Variants in ZFAND6 observed in about 807,000 individuals in gnomAD.
ZFAND6 encodes zinc finger AN1-type containing 6.
In ZFAND6, 12 loss-of-function variants were observed where a neutral mutation model predicts 24.5. The ratio of observed to expected loss-of-function variants is 0.49; its 90% CI spans 0.31 to 0.79. The LOEUF is 0.79. ZFAND6 is among the 30% of genes least tolerant of loss of function. The pLI is 0.04. For missense variants in ZFAND6, 207 were observed against 245.9 expected (o/e 0.84, Z 1.06); for synonymous variants, 92 against 81.5 (o/e 1.13, Z -0.69).
chr15:80,116,082 T>A (rs1342658606), intron 2 of ZFAND6, among the ~76,000 whole-genome samples: 1 of 151,888 alleles, frequency 6.6e-6, no homozygotes, highest in South Asian at 2.1e-4. Flanking sequence ...CTAAGGAGCC[T>A]TTTTAGGTTT....
chr15:80,122,428 A>T (rs778407224), intron 4 of ZFAND6, among the ~76,000 whole-genome samples: 4 of 151,096 alleles, frequency 2.6e-5, no homozygotes, highest in Non-Finnish European at 5.9e-5. Flanking sequence ...GCATGTCTTT[A>T]TCATGCTAGT....
chr15:80,099,477 T>C (rs1442167097), intron 2 of ZFAND6, among the ~76,000 whole-genome samples: 1 of 152,226 alleles, frequency 6.6e-6, no homozygotes, highest in Non-Finnish European at 1.5e-5. Context: ...TGTTATGCAG[T>C]GTATGCACTA....
chr15:80,123,375 G>A (rs2040231794), intron 5 of ZFAND6, among the ~76,000 whole-genome samples: 1 of 152,168 alleles, frequency 6.6e-6, no homozygotes, highest in East Asian at 1.9e-4. Flanking sequence ...TAGGGAGAGA[G>A]AATGCGGAGT....
Position 80,077,697 on chromosome 15 carries a change from C to CTTTTT in ZFAND6, c.-181+17903_-181+17907dup, listed in dbSNP as rs11441423. On this transcript the variant is annotated intron_variant, in intron 1 of 6. Transcript: ENST00000261749. ...GTAAGAATAGGAGTGAGTTTTCTTT[C>CTTTTT]TTTTTTTTTTTTTTTTTTTGGAGAC... is the stretch of plus-strand genomic sequence containing the variant. Among the ~76,000 whole-genome samples the CTTTTT allele has an allele frequency of 2.8e-3, 318 of 115,258 alleles. 9 individuals are homozygous for CTTTTT. The highest frequency in any genetic ancestry group is 7.3e-3 in the African/African-American group (221 of 30,188). The allele number at this position is 115,258 out of a possible 152,430, so 75.6% of individuals were successfully genotyped here.
At chr15:80,110,692 A>C (rs80199326) in intron 2 of ZFAND6, among the ~76,000 whole-genome samples, 1 of 152,122 alleles carries the variant, frequency 6.6e-6, no homozygotes, top group Non-Finnish European at 1.5e-5. Context: ...AGACCCATAC[A>C]TGTATGAGGC....
At chr15:80,083,717 C>T (rs574775481) in intron 1 of ZFAND6, among the ~76,000 whole-genome samples, 9 of 152,166 alleles carry the variant, frequency 5.9e-5, no homozygotes, top group East Asian at 1.9e-4. Context: ...GTGGTGAAAC[C>T]GTGTATCTAC....
chr15:80,075,454 G>A (rs1275277423), intron 1 of ZFAND6: 1 of 155,954 alleles, frequency 6.4e-6, no homozygotes, highest in Non-Finnish European at 1.4e-5. Context: ...ACAGATTTAG[G>A]GAGTATCTTT....
intron 1 of ZFAND6, among the ~76,000 whole-genome samples, chr15:80,062,435 C>T (rs141384661): frequency 3.3e-5 from 5 of 152,180 alleles, no homozygotes; most frequent in Non-Finnish European, 7.4e-5. Flanking sequence ...GTGTGTTTCC[C>T]GAGGATCTGT....
chr15:80,090,556 T>TA (rs1351121153), intron 1 of ZFAND6, among the ~76,000 whole-genome samples: 1 of 152,234 alleles, frequency 6.6e-6, no homozygotes, highest in Non-Finnish European at 1.5e-5. Context: ...AATTCTGACT[T>TA]ACCTACTAGC....
At chr15:80,072,370 T>C (rs952482000) in intron 1 of ZFAND6, among the ~76,000 whole-genome samples, 2 of 152,150 alleles carry the variant, frequency 1.3e-5, no homozygotes, top group African/African-American at 2.4e-5. Context: ...ATGGGAAAAC[T>C]GAAACCTTAT....
chr15:80,095,679 G>T (rs1203358300), intron 1 of ZFAND6, among the ~76,000 whole-genome samples: 1 of 152,148 alleles, frequency 6.6e-6, no homozygotes, highest in Non-Finnish European at 1.5e-5. Context: ...GGATTCTTTA[G>T]CATTATAAAG....
chr15:80,090,189 G>A (rs1341579765), intron 1 of ZFAND6, among the ~76,000 whole-genome samples: 1 of 152,148 alleles, frequency 6.6e-6, no homozygotes, highest in Non-Finnish European at 1.5e-5. Context: ...AGAATTTGAA[G>A]CCAGATGTAC....
intron 1 of ZFAND6, among the ~76,000 whole-genome samples, chr15:80,071,865 T>C (rs996946190): frequency 6.6e-6 from 1 of 152,124 alleles, no homozygotes; most frequent in Non-Finnish European, 1.5e-5. Flanking sequence ...GCATTAACCT[T>C]GGCAAAATAC....
In ZFAND6 at chr15:80,070,079, T is replaced by G. The variant is rs544658153; in HGVS notation, c.-181+10270T>G. Among the ~76,000 whole-genome samples the G allele has an allele frequency of 9.2e-5, 14 of 152,334 alleles. No homozygotes were observed. In the East Asian group the frequency reaches 2.7e-3, roughly 29 times the overall value. ...AATTTCTTTTGTAGGAAGAGCAGTT[T>G]GAACTATATGGAATCCTTCAAAATT... is the stretch of plus-strand genomic sequence containing the variant. On this transcript the variant is annotated intron_variant, in intron 1 of 6. Coordinates refer to ENST00000261749, the MANE Select transcript of ZFAND6 (RefSeq NM_019006.4).
chr15:80,090,008 C>G (rs997454974), intron 1 of ZFAND6, among the ~76,000 whole-genome samples: 2 of 152,162 alleles, frequency 1.3e-5, no homozygotes, highest in Non-Finnish European at 2.9e-5. Context: ...TTCCCTATAA[C>G]GAAGCTAATC....
chr15:80,082,488 T>C (rs1418772992), intron 1 of ZFAND6, among the ~76,000 whole-genome samples: 1 of 152,208 alleles, frequency 6.6e-6, no homozygotes, highest in East Asian at 1.9e-4. Flanking sequence ...TATTCAGGTT[T>C]ACTTAGAGAG....
chr15:80,107,215 C>CAA (rs58268143), intron 2 of ZFAND6, among the ~76,000 whole-genome samples: 19 of 146,662 alleles, frequency 1.3e-4, no homozygotes, highest in Admixed American at 1.0e-3. Flanking sequence ...AATTCCGTGT[C>CAA]AAAAAAAAAA....
Position 80,116,884 on chromosome 15 carries a change from GAT to G in ZFAND6, c.-17-3440_-17-3439del, listed in dbSNP as rs546977359. Among the ~76,000 whole-genome samples the G allele has an allele frequency of 3.1e-3, 465 of 152,256 alleles. 1 individual carries two copies. Among genetic ancestry groups the G allele is most frequent in the Non-Finnish European group, 5.2e-3 (352 of 67,994 alleles). ...GGGAAGCCAAAAGATTGGATACCCT[GAT>G]ATAAAACTTTTTGTCCTGTTACATT... On this transcript the variant is annotated intron_variant, in intron 2 of 6. Coordinates refer to ENST00000261749, the MANE Select transcript of ZFAND6 (RefSeq NM_019006.4).
intron 2 of ZFAND6, among the ~76,000 whole-genome samples, chr15:80,108,423 G>C (rs16971756): frequency 6.6e-6 from 1 of 152,096 alleles, no homozygotes; most frequent in South Asian, 2.1e-4. Flanking sequence ...TGTGGTAATC[G>C]TGAGAAGAAA....
Sources: allele counts gnomAD v4.1 joint callset (sites outside exome capture counted in the v4.1 genomes callset), GRCh38; gene constraint gnomAD v4.1.1; transcripts MANE v1.5; gene names NCBI Gene and HGNC (gene_info 2026-07-23, HGNC 2026-07-21).